The following SERPINI1 variants were observed in gnomAD, a reference collection of about 807,000 sequenced individuals.
SERPINI1 encodes the protein serpin family I member 1.
In SERPINI1, 19 loss-of-function variants were observed where a neutral mutation model predicts 41.1. The ratio of observed to expected loss-of-function variants is 0.46; its 90% confidence interval spans 0.32 to 0.68. SERPINI1 has a LOEUF of 0.68. Ranked by LOEUF, SERPINI1 falls within the 30% of genes least tolerant of loss-of-function variation. The probability of loss-of-function intolerance (pLI) is 0.03; values close to 1 mark genes in which losing one functional copy is unlikely to be tolerated. For synonymous variants in SERPINI1, 138 were observed against 156.6 expected (o/e 0.88, Z 0.89); for missense variants, 460 against 479.2 (o/e 0.96, Z 0.37).
At chr3:167,740,417 A>G (rs954733232) in intron 1 of SERPINI1, among the ~76,000 whole-genome samples, 1 of 152,230 alleles carries the variant, frequency 6.6e-6, no homozygotes, top group Non-Finnish European at 1.5e-5. Context: ...TAGTATCTTT[A>G]GAGCTAACTC....
chr3:167,822,710 T>TA (rs1353168974), intron 6 of SERPINI1, among the ~76,000 whole-genome samples: 3 of 151,964 alleles, frequency 2.0e-5, no homozygotes, highest in African/African-American at 4.8e-5. Context: ...AAGTCACTAG[T>TA]AAAAAAAGTT....
intron 6 of SERPINI1, among the ~76,000 whole-genome samples, chr3:167,817,693 G>A (rs1001847144): frequency 2.6e-5 from 4 of 152,074 alleles, no homozygotes; most frequent in South Asian, 2.1e-4. Context: ...TGCCTCCTGG[G>A]TTCACGCCAT....
At chr3:167,747,844 C>T (rs898097145) in intron 1 of SERPINI1, among the ~76,000 whole-genome samples, 27 of 151,980 alleles carry the variant, frequency 1.8e-4, no homozygotes, top group African/African-American at 6.3e-4. Context: ...AAAATTCATT[C>T]TACATCACTT....
chr3:167,777,298 TA>T (rs1401637829), intron 1 of SERPINI1, among the ~76,000 whole-genome samples: 2 of 151,848 alleles, frequency 1.3e-5, no homozygotes, highest in Non-Finnish European at 2.9e-5. Flanking sequence ...GACAATGTCA[TA>T]TTTTTTCTTT....
At chr3:167,762,694 G>C (rs1295794517) in intron 1 of SERPINI1, among the ~76,000 whole-genome samples, 1 of 151,900 alleles carries the variant, frequency 6.6e-6, no homozygotes, top group African/African-American at 2.4e-5. Context: ...CCTATTCAGT[G>C]AAGCTTCCTA....
intron 7 of SERPINI1, among the ~76,000 whole-genome samples, chr3:167,824,032 G>T (rs141258890): frequency 6.6e-6 from 1 of 152,012 alleles, no homozygotes; most frequent in Non-Finnish European, 1.5e-5. Context: ...AAAAATACCC[G>T]CTTCAGACAA....
intron 1 of SERPINI1, among the ~76,000 whole-genome samples, chr3:167,762,503 G>T (rs1245581173): frequency 6.6e-6 from 1 of 152,046 alleles, no homozygotes; most frequent in Non-Finnish European, 1.5e-5. Context: ...AGTCTAATGA[G>T]GCTTTCAGTT....
chr3:167,804,795 A>G (rs573364916), intron 5 of SERPINI1, among the ~76,000 whole-genome samples: 6 of 152,234 alleles, frequency 3.9e-5, no homozygotes, highest in African/African-American at 1.4e-4. Flanking sequence ...GTGAGGTGTG[A>G]TCATGCCACT....
chr3:167,762,065 G>C lies in SERPINI1; in HGVS notation c.-19+26242G>C, dbSNP rs567295851. Among the ~76,000 whole-genome samples the C allele has an allele frequency of 6.6e-5, 10 of 152,152 alleles. No individual in the cohort carries two copies. The South Asian group carries it at 2.1e-3, about 32-fold the overall frequency. On this transcript the variant is annotated intron_variant, in intron 1 of 8. Transcript: ENST00000446050. ...AGCACCTCCTTCCACCCTTGGTCTC[G>C]ATGAAGGACCCCATGTCCTATTTCA...
chr3:167,818,539 A>G (rs1402068822), intron 6 of SERPINI1, among the ~76,000 whole-genome samples: 1 of 151,978 alleles, frequency 6.6e-6, no homozygotes, highest in Non-Finnish European at 1.5e-5. Context: ...TGCTCTTAAT[A>G]TTGTTTATTT....
intron 1 of SERPINI1, among the ~76,000 whole-genome samples, chr3:167,748,686 T>A (rs895638965): frequency 2.0e-5 from 3 of 152,026 alleles, no homozygotes; most frequent in African/African-American, 7.2e-5. Flanking sequence ...GTTTTGTCCC[T>A]GAATTAGCTC....
intron 6 of SERPINI1, among the ~76,000 whole-genome samples, chr3:167,818,203 T>C (rs1712185982): frequency 6.6e-6 from 1 of 152,008 alleles, no homozygotes; most frequent in African/African-American, 2.4e-5. Flanking sequence ...TTTTTTTGTA[T>C]TTTTAGTAGA....
chr3:167,760,668 A>G (rs1415333360), intron 1 of SERPINI1, among the ~76,000 whole-genome samples: 1 of 151,782 alleles, frequency 6.6e-6, no homozygotes, highest in African/African-American at 2.4e-5. Flanking sequence ...TAAGTGGAAC[A>G]TCTCTCTGGA....
At chr3:167,814,396 C>T (rs746513547) in intron 6 of SERPINI1, among the ~76,000 whole-genome samples, 3 of 152,192 alleles carry the variant, frequency 2.0e-5, no homozygotes, top group Non-Finnish European at 4.4e-5. Flanking sequence ...TAAGAGAACT[C>T]AAATTCTAGG....
chr3:167,781,907 T>C (rs1727142947), intron 1 of SERPINI1, among the ~76,000 whole-genome samples: 1 of 152,078 alleles, frequency 6.6e-6, no homozygotes. Context: ...TACAAGAAGA[T>C]TTAGTTCCCT....
Position 167,789,346 on chromosome 3 carries a change from G to A in SERPINI1, c.218G>A (p.Arg73His), listed in dbSNP as rs139808176. 3.9e-4 allele frequency: 630 copies of A among 1,614,104 alleles called. 4 individuals carry two copies. The South Asian group carries it at 5.1e-3, about 13-fold the overall frequency. Residue 73 changes from arginine to histidine, a missense_variant, in exon 2 of 9, where the codon CGC becomes CAC. By Grantham distance (29) the Arg-to-His change is conservative. Transcript: ENST00000446050. ...GAQGSTQKEIRHSMGYDSLKN... is the reference protein window; with the variant it reads ...GAQGSTQKEIHHSMGYDSLKN... ...CAAGGATCTACCCAGAAAGAAATCC[G>A]CCACTCAATGGGATATGACAGCCTA...
chr3:167,796,561 T>C (rs1445702855), intron 5 of SERPINI1, among the ~76,000 whole-genome samples: 1 of 152,064 alleles, frequency 6.6e-6, no homozygotes, highest in African/African-American at 2.4e-5. Flanking sequence ...CCTGTGTCCA[T>C]GTGTTCTAAT....
In SERPINI1 at chr3:167,790,372, G is replaced by A. The variant is rs1181502442; in HGVS notation, c.251G>A (p.Gly84Asp). ...AAACTTATCCTTTCTCATCTTTCAG[G>A]TGAAGAATTTTCTTTCTTGAAGGAG... ...HSMGYDSLKNGEEFSFLKEFS... is the reference protein window; with the variant it reads ...HSMGYDSLKNDEEFSFLKEFS... Residue 84 changes from glycine to aspartate, a missense_variant and splice_region_variant, in exon 3 of 9, where the codon GGT becomes GAT. By Grantham distance (94) the Gly-to-Asp change is moderately conservative. Transcript: ENST00000446050. 6.3e-7 allele frequency: 1 copy of A among 1,597,338 alleles called. No homozygotes were observed. Among genetic ancestry groups the A allele is most frequent in the South Asian group, 1.1e-5 (1 of 90,626 alleles).
chr3:167,747,496 T>C (rs1725894515), intron 1 of SERPINI1, among the ~76,000 whole-genome samples: 1 of 152,078 alleles, frequency 6.6e-6, no homozygotes. Flanking sequence ...TACAGAAAAT[T>C]AGCTGGGCGT....
Sources: allele counts gnomAD v4.1 joint callset (sites outside exome capture counted in the v4.1 genomes callset), GRCh38; gene constraint gnomAD v4.1.1; transcripts MANE v1.5; gene names NCBI Gene and HGNC (gene_info 2026-07-23, HGNC 2026-07-21).